ITSN1: variants seen among roughly 807,000 people sequenced by gnomAD.
ITSN1 encodes the protein intersectin 1, also known as intersectin-1.
Under a neutral mutation model 239.8 loss-of-function variants are expected in ITSN1, and 58 were observed. The observed-to-expected ratio is 0.24, with a 90% CI of 0.20 to 0.30. The LOEUF is 0.30. ITSN1 is among the 10% of genes least tolerant of loss of function. The pLI is 1.00. For synonymous variants in ITSN1, 780 were observed against 770.8 expected (o/e 1.01, Z -0.20); for missense variants, 1,558 against 2,103.3 (o/e 0.74, Z 5.07).
intron 1 of ITSN1, among the ~76,000 whole-genome samples, chr21:33,713,834 T>TC (rs978933684): frequency 1.5e-5 from 2 of 137,406 alleles, no homozygotes; most frequent in African/African-American, 5.5e-5. Context: ...TCATCTTTTT[T>TC]TTTTTTTTTT....
At position 33,811,035 on chromosome 21, in the gene ITSN1, G is replaced by A; in HGVS notation, c.2380G>A (p.Gly794Arg). The A allele has an allele frequency of 1.2e-6, 2 of 1,614,202 alleles. No individual in the cohort carries two copies. ...TGGAGGAGAATTAAAAGGAAAGACA[G>A]GGTGGTTCCCTGCAAACTATGCAGA... Reference protein sequence around the residue: ...WLGGELKGKTGWFPANYAEKI... With the variant: ...WLGGELKGKTRWFPANYAEKI... Residue 794 changes from glycine (G) to arginine (R), a missense_variant, in exon 21 of 40, where the codon GGG (glycine) becomes AGG (arginine). By Grantham distance (125) the Gly-to-Arg change is moderately radical (BLOSUM62 -2). Coordinates refer to ENST00000381318, the MANE Select transcript of ITSN1 (RefSeq NM_003024.3).
chr21:33,784,877 G>A (rs1292524118), intron 16 of ITSN1, among the ~76,000 whole-genome samples: 2 of 152,146 alleles, frequency 1.3e-5, no homozygotes, highest in Admixed American at 1.3e-4. Flanking sequence ...TGACTCTTGG[G>A]GTTTCTTCAG....
At chr21:33,720,339 CAT>C (rs1434870492) in intron 2 of ITSN1, among the ~76,000 whole-genome samples, 10 of 152,308 alleles carry the variant, frequency 6.6e-5, no homozygotes, top group Admixed American at 2.0e-4. Context: ...TTGTGTGAAA[CAT>C]ACGTATTGTG....
chr21:33,729,288 T>C (rs2066018826), intron 4 of ITSN1, among the ~76,000 whole-genome samples: 1 of 151,398 alleles, frequency 6.6e-6, no homozygotes, highest in Admixed American at 6.6e-5. Context: ...CCGTCTCTAC[T>C]TTAAAAAAAA....
chr21:33,779,006 CCTT>C (rs1238507135), intron 14 of ITSN1, among the ~76,000 whole-genome samples: 5 of 151,880 alleles, frequency 3.3e-5, no homozygotes, highest in Non-Finnish European at 5.9e-5. Context: ...CTTCCTAACC[CCTT>C]CTTCTCTCCT....
intron 8 of ITSN1, among the ~76,000 whole-genome samples, chr21:33,760,493 T>G (rs985208638): frequency 5.3e-5 from 8 of 152,232 alleles, no homozygotes; most frequent in Non-Finnish European, 1.0e-4. Context: ...TGAACTATTG[T>G]CAGTAATGTT....
intron 25 of ITSN1, among the ~76,000 whole-genome samples, chr21:33,825,411 T>C (rs1458338705): frequency 6.6e-6 from 1 of 152,164 alleles, no homozygotes; most frequent in African/African-American, 2.4e-5. Context: ...CGACCCAACC[T>C]AACACCAGAC....
At chr21:33,669,035 C>T (rs531350624) in intron 1 of ITSN1, among the ~76,000 whole-genome samples, 1 of 152,366 alleles carries the variant, frequency 6.6e-6, no homozygotes, top group Non-Finnish European at 1.5e-5. Context: ...GTTCAAGACT[C>T]CTGTCCAAAC....
rs1602711899 is a variant in ITSN1 at position 33,882,777 on chromosome 21, A to G, written c.4554+322A>G. 6.6e-6 allele frequency among the ~76,000 whole-genome samples: 1 copy of G among 152,276 alleles called. No homozygotes were observed. Among genetic ancestry groups the G allele is most frequent in the East Asian group, 1.9e-4 (1 of 5,182 alleles). On this transcript the variant is annotated intron_variant, in intron 35 of 39. Transcript: ENST00000381318. This position sits in a 1 kb window ranked among gnomAD's most constrained non-coding sequence, Gnocchi z 4.5. ...GGCAGGTGTGAAAAAGCTCGGGAGA[A>G]GAGGTGCAAAACAGCACCCAGGGCC...
At chr21:33,847,812 C>T (rs2075031471) in intron 29 of ITSN1, among the ~76,000 whole-genome samples, 1 of 152,204 alleles carries the variant, frequency 6.6e-6, no homozygotes, top group Non-Finnish European at 1.5e-5. Flanking sequence ...TTCCAAATCC[C>T]ACCCGCTTTT....
chr21:33,734,370 G>T (rs912712572), intron 4 of ITSN1, among the ~76,000 whole-genome samples: 1 of 152,140 alleles, frequency 6.6e-6, no homozygotes, highest in East Asian at 1.9e-4. Context: ...GTATATTTGA[G>T]TACCATTTTC....
At chr21:33,690,205 G>C (rs1283987676) in intron 1 of ITSN1, among the ~76,000 whole-genome samples, 1 of 151,988 alleles carries the variant, frequency 6.6e-6, no homozygotes, top group African/African-American at 2.4e-5. Context: ...TTGAACCTGG[G>C]AGGTGGAGGT....
intron 1 of ITSN1, chr21:33,689,179 A>T (rs1053850307): frequency 6.6e-6 from 1 of 152,192 alleles, no homozygotes; most frequent in Non-Finnish European, 1.5e-5. Context: ...AGGATTGCCT[A>T]ATGTTGACTT....
intron 4 of ITSN1, among the ~76,000 whole-genome samples, chr21:33,724,846 G>A (rs1363596932): frequency 6.6e-6 from 1 of 152,036 alleles, no homozygotes; most frequent in South Asian, 2.1e-4. Flanking sequence ...GTAAAGGTGG[G>A]ATCTTGCTAT....
rs748085906 is a variant in ITSN1, at chr21:33,898,061, G to A, written c.*9761G>A. ...ATCACATATCTGAGAGGGTACTTGTGTCAGGAAGGATGAGAGGATAGGGAG... is the reference window on the plus strand; with the variant it reads ...ATCACATATCTGAGAGGGTACTTGTATCAGGAAGGATGAGAGGATAGGGAG... On this transcript the variant is annotated 3_prime_UTR_variant, in exon 40 of 40. Transcript: ENST00000381318. 1.3e-5 allele frequency: 2 copies of A among 152,170 alleles called. No homozygotes were observed. The highest frequency in any genetic ancestry group is 2.4e-5 in the African/African-American group (1 of 41,424). 9.4% of individuals were successfully genotyped at this position (152,170 alleles called of 1,614,324 possible).
In ITSN1 at chr21:33,875,503, G is replaced by A; in HGVS notation, c.4323G>A (p.Gln1441=). Residue 1441 remains glutamine, a synonymous_variant, in exon 34 of 40, where the codon CAG becomes CAA. Coordinates refer to ENST00000381318, the MANE Select transcript of ITSN1 (RefSeq NM_003024.3). ...DRLEWIQAHV[Q]CEGLSEQLVF... ...TGGAGTGGATCCAGGCCCACGTGCA[G>A]TGTGAAGGCCTGTCTGAGGTAGCCA... 3 of 1,614,174 alleles carry A rather than the reference G, an allele frequency of 1.9e-6. No individual in the cohort carries two copies. The highest frequency in any genetic ancestry group is 3.3e-5 in the Admixed American group (2 of 60,030).
At chr21:33,727,451 A>G (rs1377316168) in intron 4 of ITSN1, among the ~76,000 whole-genome samples, 1 of 152,044 alleles carries the variant, frequency 6.6e-6, no homozygotes, top group Non-Finnish European at 1.5e-5. Context: ...GGAGCCAGAC[A>G]CATGAAGGCA....
chr21:33,666,071 G>A (rs549903053), intron 1 of ITSN1, among the ~76,000 whole-genome samples: 23 of 152,176 alleles, frequency 1.5e-4, no homozygotes, highest in Non-Finnish European at 2.8e-4. Context: ...TGGGATTACA[G>A]GTGCCCACTG....
At chr21:33,709,397 C>T (rs918014059) in intron 1 of ITSN1, among the ~76,000 whole-genome samples, 5 of 152,032 alleles carry the variant, frequency 3.3e-5, no homozygotes, top group South Asian at 2.1e-4. Context: ...CTGGGCCTCC[C>T]GGGTTCAAGC....
Sources: gnomAD v4.1 joint callset for allele counts (sites outside exome capture counted in the v4.1 genomes callset) on GRCh38, gnomAD v4.1.1 for gene constraint, Gnocchi (gnomAD v3.1) non-coding constraint, MANE v1.5 for transcripts, NCBI Gene and HGNC (gene_info 2026-07-23, HGNC 2026-07-21) for gene names.